The following SHANK2 variants were observed in gnomAD, a reference collection of about 807,000 sequenced individuals.
The protein encoded by SHANK2 is SH3 and multiple ankyrin repeat domains protein 2.
A neutral mutation model predicts 133.7 loss-of-function variants in SHANK2; 43 were observed. The ratio of observed to expected loss-of-function variants is 0.32; its 90% CI spans 0.25 to 0.41. The LOEUF is 0.41. Ranked by LOEUF, SHANK2 falls within the 10% of genes least tolerant of loss-of-function variation. The probability of loss-of-function intolerance (pLI) is 1.00; values close to 1 mark genes in which losing one functional copy is unlikely to be tolerated. For missense variants in SHANK2, 1,994 were observed against 2,235.8 expected, an observed-to-expected ratio of 0.89 and a Z score of 2.18; for synonymous variants, 1,017 against 952.8, an observed-to-expected ratio of 1.07 and a Z score of -1.24.
intron 12 of SHANK2, among the ~76,000 whole-genome samples, chr11:70,811,321 C>T (rs1246118430): frequency 1.3e-5 from 2 of 152,190 alleles, no homozygotes; most frequent in Middle Eastern, 3.4e-3. Context: ...ATGAGGAGTG[C>T]GTCTTCTCAG....
chr11:71,192,269 G>T (rs1373503190), intron 2 of SHANK2, among the ~76,000 whole-genome samples: 1 of 152,204 alleles, frequency 6.6e-6, no homozygotes, highest in Non-Finnish European at 1.5e-5. Flanking sequence ...TTCTGTGGTA[G>T]TGGGGGTTAC....
intron 10 of SHANK2, among the ~76,000 whole-genome samples, chr11:70,922,960 G>GA (rs199737617): frequency 1.1e-4 from 16 of 149,740 alleles, no homozygotes; most frequent in East Asian, 3.9e-4. Flanking sequence ...AGATAAATTT[G>GA]AAAAAAAAAT....
rs1269482626 is a variant in SHANK2, at chr11:71,056,551, C to T, written c.1037G>A (p.Cys346Tyr). ...GCCTCGAAACAGAAGCACTCTTGCACAGCTGTCCTGCAAATAGAAAAGGAG... is the reference window on the plus strand; with the variant it reads ...GCCTCGAAACAGAAGCACTCTTGCATAGCTGTCCTGCAAATAGAAAAGGAG... ...HICALYNQDSCARVLLFRGGN... is the reference protein window; with the variant it reads ...HICALYNQDSYARVLLFRGGN... The change falls in exon 10 of 26, where the codon TGT becomes TAT. Residue 346 changes from cysteine (C) to tyrosine (Y), a missense_variant. Transcript: ENST00000601538. 6.6e-6 allele frequency: 1 copy of T among 152,208 alleles called. No individual in the cohort carries two copies. Among genetic ancestry groups the T allele is most frequent in the Non-Finnish European group, 1.5e-5 (1 of 68,046 alleles). The allele number at this position is 152,208 out of a possible 1,614,324, so 9.4% of individuals were successfully genotyped here. A position where few individuals can be genotyped will look rare whatever the true frequency, so the allele number is the denominator to read the frequency against.
intron 11 of SHANK2, among the ~76,000 whole-genome samples, chr11:70,851,576 C>T (rs904644636): frequency 3.5e-4 from 54 of 152,150 alleles, no homozygotes; most frequent in African/African-American, 1.2e-3. Context: ...GCACGGAGTC[C>T]ACACATGATG....
In SHANK2 at chr11:70,527,833, G is replaced by C. The variant is rs528299497; in HGVS notation, c.2062-24902C>G. On this transcript the variant is annotated intron_variant, in intron 17 of 25. Coordinates refer to ENST00000601538, the MANE Select transcript of SHANK2 (RefSeq NM_012309.5). The stretch of plus-strand genomic sequence containing the variant: ...GACACCCAGGGACAATGGCAGACCA[G>C]GGCAAAGGGCAGAGAGGAGGCTGCG... Among the ~76,000 whole-genome samples the C allele has an allele frequency of 3.9e-5, 6 of 152,354 alleles. No homozygotes were observed. In the South Asian group the frequency reaches 1.2e-3, roughly 32 times the overall value.
At chr11:70,828,991 G>T (rs112552548) in intron 11 of SHANK2, among the ~76,000 whole-genome samples, 4 of 152,214 alleles carry the variant, frequency 2.6e-5, no homozygotes, top group Non-Finnish European at 5.9e-5. Context: ...GAGCCTGCAC[G>T]TTTCTGGGCT....
rs182351445 is a variant in SHANK2, at chr11:70,484,888, G to A, written c.4979+426C>T. On this transcript the variant is annotated intron_variant, in intron 25 of 25. Transcript: ENST00000601538. Reference sequence around the variant, plus strand: ...GTGTATTCAGACACCTGCACCCACCGCCCACCCACTCGCTGCCCTCTTGGG... The same window carrying A: ...GTGTATTCAGACACCTGCACCCACCACCCACCCACTCGCTGCCCTCTTGGG... Among the ~76,000 whole-genome samples the A allele has an allele frequency of 2.1e-4, 32 of 152,190 alleles. 1 individual carries two copies. Among genetic ancestry groups the A allele is most frequent in the Admixed American group, 2.0e-3 (30 of 15,290 alleles).
In SHANK2 at chr11:70,915,645, G is replaced by C. The variant is rs148832584; in HGVS notation, c.1108-19078C>G. 3.8e-3 allele frequency among the ~76,000 whole-genome samples: 580 copies of C among 152,238 alleles called. 17 individuals are homozygous for C. Among genetic ancestry groups the C allele is most frequent in the Admixed American group, 0.033 (504 of 15,292 alleles). On this transcript the variant is annotated intron_variant, in intron 10 of 25. Coordinates refer to ENST00000601538, the MANE Select transcript of SHANK2 (RefSeq NM_012309.5). ...GAGAGCATGGCTGCAAGGTCCAGGA[G>C]GGAGTTAAAGGCAACAGGCATAAGA...
At chr11:70,863,310 T>C in intron 11 of SHANK2, 1 of 458,172 alleles carries the variant, frequency 2.2e-6, no homozygotes, top group Non-Finnish European at 4.4e-6. Flanking sequence ...GAACCTGAGC[T>C]GATGGCACAA....
intron 14 of SHANK2, among the ~76,000 whole-genome samples, chr11:70,777,525 A>G (rs1555044185): frequency 2.0e-5 from 3 of 151,762 alleles, no homozygotes; most frequent in Admixed American, 1.3e-4. Flanking sequence ...CCATTCATCC[A>G]TCCATCCATC....
chr11:70,531,506 G>A (rs974927561), intron 17 of SHANK2, among the ~76,000 whole-genome samples: 4 of 152,232 alleles, frequency 2.6e-5, no homozygotes, highest in Non-Finnish European at 4.4e-5. Context: ...CACGGTTGAG[G>A]GTGAGGCCCC....
chr11:71,209,550 C>T (rs1427060834), intron 2 of SHANK2, among the ~76,000 whole-genome samples: 4 of 152,220 alleles, frequency 2.6e-5, no homozygotes, highest in Admixed American at 2.0e-4. Context: ...CCAGCACACA[C>T]ATGGTCATAC....
At chr11:70,679,094 G>A (rs17161039) in intron 15 of SHANK2, among the ~76,000 whole-genome samples, 1,662 of 152,276 alleles carry the variant, frequency 0.011, 35 homozygotes, top group African/African-American at 0.038. Context: ...GGGGTCATCC[G>A]TGCAAATGCA....
At position 70,777,931 on chromosome 11, in the gene SHANK2, C is replaced by G. The variant is rs538906510; in HGVS notation, c.1777+20512G>C. Among the ~76,000 whole-genome samples, 5 of 152,290 alleles carry G rather than the reference C, an allele frequency of 3.3e-5. No homozygotes were observed. The East Asian group carries it at 9.7e-4, about 29-fold the overall frequency. ...CTATAGTCCAGGTTGAGGGCCATAC[C>G]CTAACACATGGCTGTCCAGACACAC... On this transcript the variant is annotated intron_variant, in intron 14 of 25. Coordinates refer to ENST00000601538, the MANE Select transcript of SHANK2 (RefSeq NM_012309.5).
intron 14 of SHANK2, among the ~76,000 whole-genome samples, chr11:70,759,246 C>T (rs528616299): frequency 2.6e-4 from 39 of 152,100 alleles, no homozygotes; most frequent in African/African-American, 8.4e-4. Context: ...GTAATCCCAG[C>T]ATTTTGGGAG....
chr11:70,497,435 C>CA (rs782411835), intron 21 of SHANK2, among the ~76,000 whole-genome samples: 1 of 152,210 alleles, frequency 6.6e-6, no homozygotes, highest in Non-Finnish European at 1.5e-5. Flanking sequence ...TGACAGAAAA[C>CA]AAACAAGCCT....
chr11:71,156,061 C>G (rs1952902051), intron 2 of SHANK2, among the ~76,000 whole-genome samples: 1 of 152,178 alleles, frequency 6.6e-6, no homozygotes, highest in Non-Finnish European at 1.5e-5. Flanking sequence ...CAGGAAGACA[C>G]AGCAAGAAGG....
intron 17 of SHANK2, among the ~76,000 whole-genome samples, chr11:70,626,424 G>T (rs2060906530): frequency 6.6e-6 from 1 of 152,200 alleles, no homozygotes; most frequent in Non-Finnish European, 1.5e-5. Context: ...GCGAAGCCTG[G>T]TGCTCCTGGC....
chr11:71,196,997 C>CAAAAAA (rs71467429), intron 2 of SHANK2, among the ~76,000 whole-genome samples: 1 of 81,916 alleles, frequency 1.2e-5, no homozygotes, highest in African/African-American at 4.6e-5. Context: ...GACTCTGTCT[C>CAAAAAA]AAAAAAAAAA....
Sources: gnomAD v4.1 joint callset for allele counts (sites outside exome capture counted in the v4.1 genomes callset) on GRCh38, gnomAD v4.1.1 for gene constraint, MANE v1.5 for transcripts, NCBI Gene and HGNC (gene_info 2026-07-23, HGNC 2026-07-21) for gene names.